KHDRBS2: variants seen among roughly 807,000 people sequenced by gnomAD.
The protein encoded by KHDRBS2 is KH domain-containing, RNA-binding, signal transduction-associated protein 2.
A neutral mutation model predicts 44.3 loss-of-function variants in KHDRBS2; 26 were observed. That is an observed-to-expected ratio of 0.59 (90% CI 0.43 to 0.81). KHDRBS2 has a LOEUF of 0.81. Among genes scored for constraint, KHDRBS2 ranks in the 40% least tolerant of loss-of-function variants. KHDRBS2 has a pLI of 0.00. For missense variants in KHDRBS2, 476 were observed against 433.1 expected, an observed-to-expected ratio of 1.10 and a Z score of -0.88; for synonymous variants, 194 against 151.1, an observed-to-expected ratio of 1.28 and a Z score of -2.08.
At chr6:61,858,883 T>G (rs1027816509) in intron 6 of KHDRBS2, among the ~76,000 whole-genome samples, 24 of 151,904 alleles carry the variant, frequency 1.6e-4, no homozygotes, top group Admixed American at 4.6e-4. Context: ...TATAAATTAT[T>G]TGATTTAATA....
chr6:61,949,310 G>T (rs1204571552), intron 4 of KHDRBS2, among the ~76,000 whole-genome samples: 1 of 152,020 alleles, frequency 6.6e-6, no homozygotes, highest in Non-Finnish European at 1.5e-5. Flanking sequence ...AGGTTTATTA[G>T]CCTCCTGCAT....
chr6:61,976,472 T>C (rs943309082), intron 4 of KHDRBS2, among the ~76,000 whole-genome samples: 2 of 152,160 alleles, frequency 1.3e-5, no homozygotes, highest in Non-Finnish European at 2.9e-5. Flanking sequence ...TATATGTATA[T>C]ATACATATGT....
At chr6:61,815,204 A>G (rs1420369979) in intron 6 of KHDRBS2, among the ~76,000 whole-genome samples, 4 of 151,996 alleles carry the variant, frequency 2.6e-5, no homozygotes, top group Non-Finnish European at 5.9e-5. Flanking sequence ...AGTAGCAAGC[A>G]TGTGGCATAT....
At chr6:61,807,675 G>C (rs558798260) in intron 6 of KHDRBS2, among the ~76,000 whole-genome samples, 1 of 152,228 alleles carries the variant, frequency 6.6e-6, no homozygotes, top group East Asian at 1.9e-4. Context: ...TGAAGGTTGA[G>C]GGTGGGAGGA....
intron 2 of KHDRBS2, among the ~76,000 whole-genome samples, chr6:62,075,974 T>G (rs1352335856): frequency 6.6e-6 from 1 of 151,852 alleles, no homozygotes; most frequent in Non-Finnish European, 1.5e-5. Context: ...TTTTTTTTGC[T>G]GTTATGCTTT....
intron 2 of KHDRBS2, among the ~76,000 whole-genome samples, chr6:62,123,080 G>A (rs1373115002): frequency 3.3e-5 from 5 of 152,138 alleles, no homozygotes; most frequent in Non-Finnish European, 5.9e-5. Flanking sequence ...GCCCCAGTGT[G>A]TGACGTTCCC....
intron 1 of KHDRBS2, among the ~76,000 whole-genome samples, chr6:62,259,889 A>C (rs745350237): frequency 1.3e-5 from 2 of 152,034 alleles, no homozygotes. Context: ...GATATGGAAA[A>C]TATGTTCAAA....
At chr6:61,559,421 T>C in the KHDRBS2 span, among the ~76,000 whole-genome samples, 1 of 152,038 alleles carries the variant, frequency 6.6e-6, no homozygotes, top group African/African-American at 2.4e-5. Context: ...AGAGTCAATG[T>C]TATTACTAAT....
At position 61,939,276 on chromosome 6, in the gene KHDRBS2, G is replaced by T. The variant is rs541973216; in HGVS notation, c.484-37905C>A. Among the ~76,000 whole-genome samples, 9 of 152,256 alleles carry T rather than the reference G, an allele frequency of 5.9e-5. No homozygotes were observed. The East Asian group carries it at 1.5e-3, about 26-fold the overall frequency. On this transcript the variant is annotated intron_variant, in intron 4 of 8. Coordinates refer to ENST00000281156, the MANE Select transcript of KHDRBS2 (RefSeq NM_152688.4). ...ATGTATAGACACATTCAAGTATTCAGTCGATTTGGGACATTAAACAATCCA... is the reference window on the plus strand; with the variant it reads ...ATGTATAGACACATTCAAGTATTCATTCGATTTGGGACATTAAACAATCCA...
rs114696689 is a variant in KHDRBS2, at chr6:62,166,023, C to T, written c.219+11162G>A. ...TCCACTTTCTGTCTCTATAAATTCA[C>T]CTGTTCTAGGAACTTCATGAAAGTA... On this transcript the variant is annotated intron_variant, in intron 2 of 8. Transcript: ENST00000281156. Among the ~76,000 whole-genome samples the T allele has an allele frequency of 8.0e-3, 1,215 of 152,068 alleles. 16 individuals carry two copies. The highest frequency in any genetic ancestry group is 0.028 in the African/African-American group (1,149 of 41,520).
intron 8 of KHDRBS2, among the ~76,000 whole-genome samples, chr6:61,687,518 C>T (rs1766950149): frequency 6.6e-6 from 1 of 151,760 alleles, no homozygotes; most frequent in African/African-American, 2.4e-5. Context: ...AGATGGATTC[C>T]TTCACTTTTG....
intron 4 of KHDRBS2, among the ~76,000 whole-genome samples, chr6:61,947,750 T>A (rs2127381249): frequency 6.6e-6 from 1 of 152,150 alleles, no homozygotes; most frequent in African/African-American, 2.4e-5. Flanking sequence ...ATTTGCTTCA[T>A]ATTTATATGC....
At position 61,683,658 on chromosome 6, in the gene KHDRBS2, T is replaced by C. The variant is rs376929842; in HGVS notation, c.953-2598A>G. On this transcript the variant is annotated intron_variant, in intron 8 of 8. Transcript: ENST00000281156. Reference sequence around the variant, plus strand: ...TCAGACTTCTTACTCAAAAGGGTTATCTAAGTATCAAAAATATTTCACTAT... The same window carrying C: ...TCAGACTTCTTACTCAAAAGGGTTACCTAAGTATCAAAAATATTTCACTAT... 1.3e-4 allele frequency among the ~76,000 whole-genome samples: 20 copies of C among 152,038 alleles called. No homozygotes were observed. The East Asian group carries it at 2.1e-3, about 16-fold the overall frequency.
At chr6:61,994,743 T>C (rs1776845427) in intron 3 of KHDRBS2, among the ~76,000 whole-genome samples, 1 of 152,130 alleles carries the variant, frequency 6.6e-6, no homozygotes, top group Non-Finnish European at 1.5e-5. Context: ...GGATGCAAAA[T>C]ATTTATTGTA....
chr6:62,198,685 G>A (rs1192060548), intron 1 of KHDRBS2, among the ~76,000 whole-genome samples: 2 of 152,172 alleles, frequency 1.3e-5, no homozygotes, highest in Non-Finnish European at 2.9e-5. Context: ...CATTCCTTCT[G>A]AAACTATTCA....
the KHDRBS2 span, among the ~76,000 whole-genome samples, chr6:61,674,278 A>C: frequency 6.6e-6 from 1 of 151,748 alleles, no homozygotes; most frequent in Non-Finnish European, 1.5e-5. Context: ...TTACATCAAT[A>C]TTCTTCATAT....
chr6:61,813,976 T>C (rs1788512290), intron 6 of KHDRBS2: 1 of 446,264 alleles, frequency 2.2e-6, no homozygotes, highest in Non-Finnish European at 4.5e-6. Context: ...CCCACCTCCA[T>C]GCCAGTAAAA....
At chr6:61,609,651 G>A in the KHDRBS2 span, among the ~76,000 whole-genome samples, 2 of 152,098 alleles carry the variant, frequency 1.3e-5, no homozygotes, top group African/African-American at 4.8e-5. Context: ...GTAAGTTTTA[G>A]ACCCTGGTCA....
chr6:62,071,257 T>A (rs1175695839), intron 2 of KHDRBS2, among the ~76,000 whole-genome samples: 1 of 152,124 alleles, frequency 6.6e-6, no homozygotes, highest in African/African-American at 2.4e-5. Flanking sequence ...GTCAGATGAG[T>A]AGATTGCAAA....
Sources: gnomAD v4.1 joint callset for allele counts (sites outside exome capture counted in the v4.1 genomes callset) on GRCh38, gnomAD v4.1.1 for gene constraint, MANE v1.5 for transcripts, NCBI Gene and HGNC (gene_info 2026-07-23, HGNC 2026-07-21) for gene names.